NTM: variants seen among roughly 807,000 people sequenced by gnomAD.
The protein encoded by NTM is neurotrimin.
A neutral mutation model predicts 42.1 loss-of-function variants in NTM; 13 were observed. The observed-to-expected ratio is 0.31, with a 90% confidence interval of 0.20 to 0.49. The LOEUF is 0.49. NTM is among the 20% of genes least tolerant of loss of function. The pLI is 0.99. For synonymous variants in NTM, 187 were observed against 179.2 expected (o/e 1.04, Z -0.35); for missense variants, 373 against 452.8 (o/e 0.82, Z 1.60).
At chr11:131,815,131 C>T (rs1437018556) in intron 1 of NTM, among the ~76,000 whole-genome samples, 4 of 152,174 alleles carry the variant, frequency 2.6e-5, no homozygotes, top group African/African-American at 4.8e-5. Context: ...CGAACTCCTC[C>T]GCTTGGCTTA....
intron 1 of NTM, among the ~76,000 whole-genome samples, chr11:131,789,545 GA>G (rs71067335): frequency 9.8e-4 from 5 of 5,124 alleles, no homozygotes; most frequent in East Asian, 5.7e-3. Context: ...AGAAGAAGAA[GA>G]AAAGAAGAAG....
intron 1 of NTM, among the ~76,000 whole-genome samples, chr11:131,683,972 T>C (rs959466166): frequency 1.3e-5 from 2 of 152,188 alleles, no homozygotes; most frequent in Admixed American, 6.5e-5. Context: ...CAAGAGGTTA[T>C]TGGGACTGAA....
At chr11:132,047,839 G>A (rs1305684974) in intron 2 of NTM, among the ~76,000 whole-genome samples, 7 of 152,234 alleles carry the variant, frequency 4.6e-5, no homozygotes, top group South Asian at 4.1e-4. Context: ...TCTGTCTTAC[G>A]TATCATATTA....
intron 2 of NTM, among the ~76,000 whole-genome samples, chr11:132,065,605 C>A (rs987069957): frequency 1.1e-4 from 17 of 151,952 alleles, no homozygotes; most frequent in African/African-American, 4.1e-4. Flanking sequence ...AGTTAGAAAC[C>A]CTTGACATGC....
chr11:132,070,512 C>T (rs1178624334), intron 2 of NTM, among the ~76,000 whole-genome samples: 4 of 121,250 alleles, frequency 3.3e-5, no homozygotes, highest in African/African-American at 1.3e-4. Flanking sequence ...TTAGTTAACA[C>T]GTCACACAGC....
intron 1 of NTM, among the ~76,000 whole-genome samples, chr11:131,618,044 A>C (rs2062128423): frequency 1.3e-5 from 2 of 152,150 alleles, no homozygotes; most frequent in Admixed American, 1.3e-4. Flanking sequence ...ATAGGTAGGG[A>C]GTTGGTGTTA....
chr11:131,598,305 C>T (rs2059987596), intron 1 of NTM, among the ~76,000 whole-genome samples: 2 of 152,166 alleles, frequency 1.3e-5, no homozygotes, highest in Admixed American at 6.5e-5. Flanking sequence ...GTTGTGGTGC[C>T]AGATGGTAAT....
intron 1 of NTM, among the ~76,000 whole-genome samples, chr11:131,486,964 A>G (rs1268514086): frequency 6.6e-6 from 1 of 152,182 alleles, no homozygotes; most frequent in Non-Finnish European, 1.5e-5. Flanking sequence ...ATATCTTTTG[A>G]TAACACATTA....
rs1555127949 is a variant in NTM, at chr11:131,789,636, A to AGAAGAAG, written c.83-121928_83-121927insGAAGAAG. 2.9e-3 allele frequency among the ~76,000 whole-genome samples: 91 copies of AGAAGAAG among 30,898 alleles called. 18 individuals are homozygous for AGAAGAAG. Among genetic ancestry groups the AGAAGAAG allele is most frequent in the South Asian group, 5.0e-3 (6 of 1,190 alleles). 20.3% of individuals were successfully genotyped at this position (30,898 alleles called of 152,430 possible). A position where few individuals can be genotyped will look rare whatever the true frequency, so the allele number is the denominator to read the frequency against. On this transcript the variant is annotated intron_variant, in intron 1 of 8. Transcript: ENST00000683400. ...AAGAAGAAGAAGAAGAAGAAGAAGA[A>AGAAGAAG]AAGAAGAAGAAGAAGAAGAAGAAGA... is the stretch of plus-strand genomic sequence containing the variant.
At chr11:131,899,218 A>G (rs2052753462) in intron 1 of NTM, among the ~76,000 whole-genome samples, 1 of 152,126 alleles carries the variant, frequency 6.6e-6, no homozygotes, top group Non-Finnish European at 1.5e-5. Flanking sequence ...TCCCCAGCCC[A>G]GTGAAGAGTG....
At chr11:131,984,945 T>C (rs1011769315) in intron 2 of NTM, among the ~76,000 whole-genome samples, 1 of 152,220 alleles carries the variant, frequency 6.6e-6, no homozygotes, top group Non-Finnish European at 1.5e-5. Flanking sequence ...GTGAGGCCTT[T>C]CGTCAAATCG....
chr11:132,314,888 G>T, intron 7 of NTM, 185 bp downstream of exon 7: 1 of 1,353,728 alleles, frequency 7.4e-7, no homozygotes, highest in Non-Finnish European at 9.5e-7. Flanking sequence ...ACAGGGAGGA[G>T]GCAGACAGAA....
At chr11:132,047,486 C>T (rs1015329073) in intron 2 of NTM, among the ~76,000 whole-genome samples, 1 of 152,230 alleles carries the variant, frequency 6.6e-6, no homozygotes, top group Non-Finnish European at 1.5e-5. Flanking sequence ...AATTCAAATG[C>T]CAGTTTTCTT....
At chr11:132,119,000 CA>C (rs2064314424) in intron 2 of NTM, among the ~76,000 whole-genome samples, 2 of 152,126 alleles carry the variant, frequency 1.3e-5, no homozygotes, top group Non-Finnish European at 2.9e-5. Context: ...CCCAGCCTGC[CA>C]CATTCTTTCT....
intron 1 of NTM, among the ~76,000 whole-genome samples, chr11:131,551,001 T>A (rs1592022355): frequency 1.3e-5 from 2 of 151,634 alleles, no homozygotes; most frequent in African/African-American, 4.8e-5. Flanking sequence ...CCATTTGCAT[T>A]TAATTTTTTT....
chr11:131,560,489 G>T lies in NTM; in HGVS notation c.82+189601G>T, dbSNP rs2056091255. ...GCTGCAGTATAACACACAAGGAAGA[G>T]AACCTTTTGTGGAATTTATTTTCCA... On this transcript the variant is annotated intron_variant, in intron 1 of 8. Transcript: ENST00000683400. Among the ~76,000 whole-genome samples, 4 of 152,242 alleles carry T rather than the reference G, an allele frequency of 2.6e-5. No homozygotes were observed. In the South Asian group the frequency reaches 8.3e-4, roughly 32 times the overall value.
intron 1 of NTM, among the ~76,000 whole-genome samples, chr11:131,736,945 T>A (rs1035260448): frequency 1.3e-5 from 2 of 152,222 alleles, no homozygotes; most frequent in African/African-American, 2.4e-5. Context: ...TAATGGAGGA[T>A]GACTATGCAG....
intron 2 of NTM, among the ~76,000 whole-genome samples, chr11:132,111,884 C>T (rs1373509929): frequency 6.6e-6 from 1 of 152,202 alleles, no homozygotes. Flanking sequence ...AATTTTCTGG[C>T]GAGGTTGTCA....
intron 2 of NTM, among the ~76,000 whole-genome samples, chr11:131,970,384 A>T (rs865952760): frequency 6.6e-6 from 1 of 152,200 alleles, no homozygotes; most frequent in African/African-American, 2.4e-5. Context: ...GGAACTCCAC[A>T]TGGACCTTCC....
Sources: gnomAD v4.1 joint callset for allele counts (sites outside exome capture counted in the v4.1 genomes callset) on GRCh38, gnomAD v4.1.1 for gene constraint, MANE v1.5 for transcripts, NCBI Gene and HGNC (gene_info 2026-07-23, HGNC 2026-07-21) for gene names.